CRISPLD2: variants seen among roughly 807,000 people sequenced by gnomAD.
CRISPLD2 encodes cysteine rich secretory protein LCCL domain containing 2.
In CRISPLD2, 47 loss-of-function variants were observed where a neutral mutation model predicts 71.1. The observed-to-expected ratio is 0.66, with a 90% CI of 0.52 to 0.84. The LOEUF (loss-of-function observed/expected upper bound fraction) is 0.84, where lower values mean the gene tolerates loss of function less well. Ranked by LOEUF, CRISPLD2 falls within the 40% of genes least tolerant of loss-of-function variation. The pLI is 0.00. For missense variants in CRISPLD2, 830 were observed against 651.1 expected (o/e 1.27, Z -2.99); for synonymous variants, 317 against 250.1 (o/e 1.27, Z -2.52).
At chr16:84,852,210 C>T (rs144474083) in intron 5 of CRISPLD2, among the ~76,000 whole-genome samples, 2 of 152,328 alleles carry the variant, frequency 1.3e-5, no homozygotes, top group African/African-American at 2.4e-5. Flanking sequence ...GCCCTGTCTC[C>T]AAGTACAGTC....
At chr16:84,852,346 G>A (rs201619210) in intron 5 of CRISPLD2, among the ~76,000 whole-genome samples, 1 of 32,440 alleles carries the variant, frequency 3.1e-5, no homozygotes, top group Non-Finnish European at 1.1e-4. Context: ...ATGCCCCAGA[G>A]GCTCTCTCGT....
intron 8 of CRISPLD2, among the ~76,000 whole-genome samples, chr16:84,872,152 C>G (rs1450924540): frequency 6.6e-6 from 1 of 152,120 alleles, no homozygotes; most frequent in Non-Finnish European, 1.5e-5. Flanking sequence ...AAAGGTTATA[C>G]GCAAATACTA....
At chr16:84,884,255 C>T (rs1051053170) in intron 13 of CRISPLD2, among the ~76,000 whole-genome samples, 6 of 152,214 alleles carry the variant, frequency 3.9e-5, no homozygotes, top group African/African-American at 1.4e-4. Context: ...TCTTTATCAG[C>T]TGAGTGATTT....
At chr16:84,834,190 G>A (rs1205989456) in intron 1 of CRISPLD2, among the ~76,000 whole-genome samples, 2 of 152,198 alleles carry the variant, frequency 1.3e-5, no homozygotes, top group East Asian at 1.9e-4. Flanking sequence ...GGTGAGAGGA[G>A]ATCACGGAGG....
chr16:84,904,902 A>C (rs1207167689), intron 14 of CRISPLD2, among the ~76,000 whole-genome samples: 2 of 152,232 alleles, frequency 1.3e-5, no homozygotes, highest in African/African-American at 4.8e-5. Flanking sequence ...ATGGTTTGCT[A>C]GATATGACGC....
At chr16:84,874,820 T>G (rs552410309) in intron 11 of CRISPLD2, among the ~76,000 whole-genome samples, 1 of 152,214 alleles carries the variant, frequency 6.6e-6, no homozygotes, top group African/African-American at 2.4e-5. Context: ...CGTGAACACT[T>G]TGGCAAATAT....
intron 9 of CRISPLD2, 98 bp downstream of exon 9, chr16:84,872,606 C>T (rs745653374): frequency 6.6e-6 from 7 of 1,063,430 alleles, no homozygotes; most frequent in Non-Finnish European, 8.5e-6. Context: ...ATTTTCTTTC[C>T]ACTCCTTAGT....
chr16:84,823,992 A>T (rs531185657), intron 1 of CRISPLD2, among the ~76,000 whole-genome samples: 1 of 152,084 alleles, frequency 6.6e-6, no homozygotes, highest in African/African-American at 2.4e-5. Context: ...TAGGGAAAAG[A>T]CTCAACTGGA....
chr16:84,873,275 C>G (rs1347365229), intron 10 of CRISPLD2, 153 bp downstream of exon 10: 6 of 761,682 alleles, frequency 7.9e-6, no homozygotes, highest in South Asian at 3.8e-5. Flanking sequence ...GTCAGGAGTT[C>G]AAGACCAGCC....
intron 13 of CRISPLD2, among the ~76,000 whole-genome samples, chr16:84,882,473 C>T (rs757490534): frequency 6.6e-6 from 1 of 151,906 alleles, no homozygotes; most frequent in Non-Finnish European, 1.5e-5. Flanking sequence ...TGCAATTGCA[C>T]GATCTCGGCT....
Position 84,888,661 on chromosome 16 carries a change from G to T in CRISPLD2, c.1306-569G>T, listed in dbSNP as rs182561482. On this transcript the variant is annotated intron_variant, in intron 13 of 14. Coordinates refer to ENST00000262424, the MANE Select transcript of CRISPLD2 (RefSeq NM_031476.4). ...GACTCACTGTATTCCAGCCACCCTG[G>T]CTGTCTGTCTGTTTCTTGGATATGA... 6.6e-5 allele frequency among the ~76,000 whole-genome samples: 10 copies of T among 152,322 alleles called. No individual in the cohort carries two copies. In the East Asian group the frequency reaches 1.5e-3, roughly 24 times the overall value.
intron 5 of CRISPLD2, among the ~76,000 whole-genome samples, chr16:84,853,547 C>G (rs1597459657): frequency 6.6e-6 from 1 of 152,234 alleles, no homozygotes; most frequent in African/African-American, 2.4e-5. Context: ...ACAGGCCCCT[C>G]GGTGAGGCCA....
intron 5 of CRISPLD2, among the ~76,000 whole-genome samples, chr16:84,852,702 G>T (rs536980544): frequency 6.6e-6 from 1 of 151,952 alleles, no homozygotes; most frequent in African/African-American, 2.4e-5. Context: ...TTCCCAACCC[G>T]ACAAGGGGTG....
chr16:84,833,039 G>A (rs1597446870), intron 1 of CRISPLD2, among the ~76,000 whole-genome samples: 2 of 152,208 alleles, frequency 1.3e-5, no homozygotes, highest in South Asian at 2.1e-4. Flanking sequence ...CTTTTGGCAA[G>A]TTTGAGTTCA....
intron 1 of CRISPLD2, among the ~76,000 whole-genome samples, chr16:84,830,567 G>A (rs1916463500): frequency 6.6e-6 from 1 of 152,122 alleles, no homozygotes; most frequent in Non-Finnish European, 1.5e-5. Context: ...GCCAGGCGTG[G>A]TGGCATGCAC....
At chr16:84,904,032 G>A (rs1019729038) in intron 14 of CRISPLD2, among the ~76,000 whole-genome samples, 6 of 152,174 alleles carry the variant, frequency 3.9e-5, no homozygotes, top group Non-Finnish European at 8.8e-5. Flanking sequence ...CAAACCTGGT[G>A]GCCAAGACAC....
intron 13 of CRISPLD2, among the ~76,000 whole-genome samples, chr16:84,885,003 C>A (rs973185775): frequency 6.6e-6 from 1 of 152,196 alleles, no homozygotes; most frequent in East Asian, 1.9e-4. Context: ...GTTGGCAGTG[C>A]GAGCAATGCT....
chr16:84,878,632 TC>T (rs1297674006), intron 12 of CRISPLD2, among the ~76,000 whole-genome samples: 4 of 152,180 alleles, frequency 2.6e-5, no homozygotes, highest in Non-Finnish European at 5.9e-5. Context: ...GGACGATGCC[TC>T]CCAGCATAAA....
At chr16:84,856,262 A>C (rs953188180) in intron 6 of CRISPLD2, among the ~76,000 whole-genome samples, 13 of 152,060 alleles carry the variant, frequency 8.5e-5, no homozygotes, top group African/African-American at 3.1e-4. Context: ...GCCCTAAGGG[A>C]GCTCCTGTAT....
Sources: allele counts gnomAD v4.1 joint callset (sites outside exome capture counted in the v4.1 genomes callset), GRCh38; gene constraint gnomAD v4.1.1; transcripts MANE v1.5; gene names NCBI Gene and HGNC (gene_info 2026-07-23, HGNC 2026-07-21).